Variants in ITPRID1 observed in about 807,000 individuals in gnomAD.
The protein encoded by ITPRID1 is ITPR interacting domain containing 1.
In ITPRID1, 96 loss-of-function variants were observed where a neutral mutation model predicts 95.4. The observed-to-expected ratio is 1.01, with a 90% CI of 0.85 to 1.19. ITPRID1 has a LOEUF of 1.19. ITPRID1 is among the 50% of genes most tolerant of loss of function. The pLI, the probability that ITPRID1 is intolerant of heterozygous loss-of-function variation, is 0.00. For synonymous variants in ITPRID1, 510 were observed against 453.6 expected, an observed-to-expected ratio of 1.12 and a Z score of -1.58; for missense variants, 1,339 against 1,252.9, an observed-to-expected ratio of 1.07 and a Z score of -1.04.
chr7:31,570,855 G>A (rs993963496), intron 6 of ITPRID1, among the ~76,000 whole-genome samples: 2 of 152,022 alleles, frequency 1.3e-5, no homozygotes, highest in African/African-American at 4.8e-5. Context: ...AATTATGGCA[G>A]GCCTAATGAA....
At chr7:31,554,341 T>G (rs1464637841) in intron 3 of ITPRID1, 134 bp from the exon 4 acceptor site, 14 of 1,355,182 alleles carry the variant, frequency 1.0e-5, no homozygotes, top group Non-Finnish European at 1.3e-5. Flanking sequence ...GGAAAAAAAA[T>G]GAATATGCTT....
rs541190705 is a variant in ITPRID1, at chr7:31,541,797, A to G, written c.-97-7629A>G. On this transcript the variant is annotated intron_variant, in intron 1 of 14. Transcript: ENST00000615280. ...GTTTACCCAATTTTAATGTTTGACC[A>G]TATGGTAAGATTTTTATAGACCCTT... Among the ~76,000 whole-genome samples the G allele has an allele frequency of 9.2e-5, 14 of 152,276 alleles. No individual in the cohort carries two copies. The South Asian group carries it at 2.9e-3, about 32-fold the overall frequency.
intron 10 of ITPRID1, among the ~76,000 whole-genome samples, chr7:31,595,070 C>CTTTTTT (rs958852739): frequency 7.8e-6 from 1 of 127,444 alleles, no homozygotes; most frequent in Non-Finnish European, 1.7e-5. Context: ...TTTATAATTT[C>CTTTTTT]TTTTTTTTTT....
intron 10 of ITPRID1, among the ~76,000 whole-genome samples, chr7:31,595,626 G>A (rs1786056101): frequency 6.6e-6 from 1 of 151,986 alleles, no homozygotes; most frequent in Non-Finnish European, 1.5e-5. Context: ...AGTAATCTGA[G>A]GCAAATTCAT....
chr7:31,599,637 CTTTCTTTCTTT>C (rs1347411262), intron 10 of ITPRID1, among the ~76,000 whole-genome samples: 1 of 97,850 alleles, frequency 1.0e-5, no homozygotes, highest in Admixed American at 1.1e-4. Flanking sequence ...TTCTTTCTTT[CTTTCTTTCTTT>C]TTCTTTCTTT....
intron 8 of ITPRID1, among the ~76,000 whole-genome samples, chr7:31,577,207 C>T (rs747991003): frequency 9.2e-5 from 14 of 152,190 alleles, no homozygotes; most frequent in South Asian, 6.2e-4. Context: ...TACATGGCAT[C>T]GTGTCTTCAC....
intron 10 of ITPRID1, among the ~76,000 whole-genome samples, chr7:31,634,126 T>G (rs1246653276): frequency 3.3e-5 from 5 of 152,194 alleles, no homozygotes; most frequent in Non-Finnish European, 7.3e-5. Flanking sequence ...TCCCACAAAG[T>G]GCCTGAGGCG....
intron 10 of ITPRID1, among the ~76,000 whole-genome samples, chr7:31,595,741 T>C (rs1786060789): frequency 6.6e-6 from 1 of 151,920 alleles, no homozygotes; most frequent in Admixed American, 6.6e-5. Context: ...AAGTTAGACA[T>C]TAATAAAGAT....
At chr7:31,572,272 T>C (rs1785019819) in intron 7 of ITPRID1, 84 bp downstream of exon 7, 3 of 789,776 alleles carry the variant, frequency 3.8e-6, no homozygotes, top group South Asian at 1.6e-5. Context: ...AGGCACTTGT[T>C]GAATGAATGG....
At chr7:31,633,928 T>G (rs1789242055) in intron 10 of ITPRID1, among the ~76,000 whole-genome samples, 2 of 152,220 alleles carry the variant, frequency 1.3e-5, no homozygotes, top group African/African-American at 4.8e-5. Flanking sequence ...TTTTATAGCT[T>G]CTGTGAACTC....
At chr7:31,539,305 C>T (rs574499824) in intron 1 of ITPRID1, among the ~76,000 whole-genome samples, 2 of 152,232 alleles carry the variant, frequency 1.3e-5, no homozygotes, top group African/African-American at 4.8e-5. Flanking sequence ...CCACCACAGC[C>T]CCCCAAGTAG....
intron 5 of ITPRID1, among the ~76,000 whole-genome samples, chr7:31,564,861 T>C (rs1218920557): frequency 6.6e-6 from 1 of 152,090 alleles, no homozygotes. Flanking sequence ...CTGCTGGCTC[T>C]TCCAAGTTTT....
In ITPRID1 at chr7:31,653,702, C is replaced by T. The variant is rs1482278658; in HGVS notation, c.*873C>T. On this transcript the variant is annotated 3_prime_UTR_variant, in exon 15 of 15. Transcript: ENST00000615280. Reference sequence around the variant, plus strand: ...TGATGCAGCTCCTAACTTGACTTTTCCCTTTTACTTCATAATTTTGGGGTC... The same window carrying T: ...TGATGCAGCTCCTAACTTGACTTTTTCCTTTTACTTCATAATTTTGGGGTC... The T allele has an allele frequency of 6.6e-6, 1 of 152,142 alleles. No homozygotes were observed. The highest frequency in any genetic ancestry group is 6.5e-5 in the Admixed American group (1 of 15,272). 9.4% of individuals were successfully genotyped at this position (152,142 alleles called of 1,614,324 possible). A position where few individuals can be genotyped will look rare whatever the true frequency, so the allele number is the denominator to read the frequency against.
In ITPRID1 at chr7:31,620,983, G is replaced by A. The variant is rs993740544; in HGVS notation, c.1229-21193G>A. 1.5e-3 allele frequency among the ~76,000 whole-genome samples: 229 copies of A among 151,756 alleles called. 1 individual carries two copies. The Middle Eastern group carries it at 0.02, about 14-fold the overall frequency. On this transcript the variant is annotated intron_variant, in intron 10 of 14. Coordinates refer to ENST00000615280, the MANE Select transcript of ITPRID1 (RefSeq NM_001257967.3). ...ATGCAGAAGCCTCAGGAGCCAATGC[G>A]ATCAACTGGAAGAAAGGGTATCAGT... is the stretch of plus-strand genomic sequence containing the variant.
Position 31,643,082 on chromosome 7 carries a change from C to G in ITPRID1, c.1712C>G (p.Thr571Ser). Residue 571 changes from threonine to serine, a missense_variant, in exon 12 of 15, where the codon ACC (threonine) becomes AGC (serine). Thr to Ser is a moderately conservative substitution (Grantham distance 58). Coordinates refer to ENST00000615280, the MANE Select transcript of ITPRID1 (RefSeq NM_001257967.3). ...GATCATCCTCTGGGGTTTATGGTAA[C>G]CCACGTCACAGAAATGCAGGACAGT... is the stretch of plus-strand genomic sequence containing the variant. The part of the protein sequence containing the change: ...KYDHPLGFMV[T>S]HVTEMQDSFV... 6.2e-7 allele frequency: 1 copy of G among 1,613,972 alleles called. No homozygotes were observed. The highest frequency in any genetic ancestry group is 8.5e-7 in the Non-Finnish European group (1 of 1,179,882).
chr7:31,658,555 A>G, downstream of ITPRID1: 1 of 431,868 alleles, frequency 2.3e-6, no homozygotes. Flanking sequence ...ACGTAATTTC[A>G]AATTGTAATT....
At chr7:31,657,118 CAT>C (rs974247814), downstream of ITPRID1, among the ~76,000 whole-genome samples, 37 of 4,284 alleles carry the variant, frequency 8.6e-3, no homozygotes, top group African/African-American at 0.026. Context: ...TATATAAAAT[CAT>C]ATATATCAAA....
At chr7:31,520,550 TGTGTGTGTGTGTGTGAGA>T (rs1362920228) in intron 1 of ITPRID1, among the ~76,000 whole-genome samples, 21 of 81,632 alleles carry the variant, frequency 2.6e-4, no homozygotes, top group African/African-American at 1.3e-3. Context: ...TGTGTGTGTG[TGTGTGTGTGTGTGTGAGA>T]GAGAGAGAGA....
chr7:31,601,119 T>G (rs1026159768), intron 10 of ITPRID1, among the ~76,000 whole-genome samples: 3 of 152,016 alleles, frequency 2.0e-5, no homozygotes, highest in Non-Finnish European at 4.4e-5. Flanking sequence ...TTTGTAAGTA[T>G]CAGAAGAAAT....
Sources: gnomAD v4.1 joint callset for allele counts (sites outside exome capture counted in the v4.1 genomes callset) on GRCh38, gnomAD v4.1.1 for gene constraint, MANE v1.5 for transcripts, NCBI Gene and HGNC (gene_info 2026-07-23, HGNC 2026-07-21) for gene names.